The following NUP188 variants were observed in gnomAD, a reference collection of about 807,000 sequenced individuals.
NUP188 encodes the protein nucleoporin NUP188.
Under a neutral mutation model 223.0 loss-of-function variants are expected in NUP188, and 97 were observed. The observed-to-expected ratio is 0.43, with a 90% CI of 0.37 to 0.51. The LOEUF (loss-of-function observed/expected upper bound fraction) is 0.51. Among genes scored for constraint, NUP188 ranks in the 20% least tolerant of loss-of-function variants. NUP188 has a pLI of 0.00. For synonymous variants in NUP188, 869 were observed against 828.0 expected (o/e 1.05, Z -0.85); for missense variants, 1,947 against 2,175.6 (o/e 0.89, Z 2.09).
At chr9:128,976,832 T>C (rs1842182598) in intron 12 of NUP188, among the ~76,000 whole-genome samples, 1 of 152,028 alleles carries the variant, frequency 6.6e-6, no homozygotes, top group Non-Finnish European at 1.5e-5. Context: ...ATCCCAGCAC[T>C]TTCCGAGGCC....
rs746326804 is a variant in NUP188, at chr9:128,985,001, C to G, written c.2063C>G (p.Thr688Ser). The G allele has an allele frequency of 1.2e-6, 2 of 1,611,062 alleles. No homozygotes were observed. The highest frequency in any genetic ancestry group is 2.2e-5 in the South Asian group (2 of 90,878). The change falls in exon 20 of 44, where the codon ACC (threonine) becomes AGC (serine). Residue 688 changes from threonine (T) to serine (S), a missense_variant. Physicochemically the swap from Thr to Ser is moderately conservative, Grantham distance 58 (BLOSUM62 1). Coordinates refer to ENST00000372577, the MANE Select transcript of NUP188 (RefSeq NM_015354.3). Reference protein sequence around the residue: ...GVTIAFLRLITTLVKGQLGST... With the variant: ...GVTIAFLRLISTLVKGQLGST... ...ACTATTGCCTTTCTGCGCTTGATCACCACCCTTGTCAAGGTACAGTCTGAT... is the reference window on the plus strand; with the variant it reads ...ACTATTGCCTTTCTGCGCTTGATCAGCACCCTTGTCAAGGTACAGTCTGAT...
rs141842859 is a variant in NUP188, at chr9:128,983,523, C to T, written c.1934C>T (p.Pro645Leu). Residue 645 changes from proline to leucine, a missense_variant, in exon 19 of 44, where the codon CCT becomes CTT. Transcript: ENST00000372577. Reference protein sequence around the residue: ...HTGFLPFVAHPVSSLSQMISA... With the variant: ...HTGFLPFVAHLVSSLSQMISA... ...GGTTTTTTACCATTTGTGGCCCATCCTGTCTCCAGCCTGAGTCAGATGATT... is the reference window on the plus strand; with the variant it reads ...GGTTTTTTACCATTTGTGGCCCATCTTGTCTCCAGCCTGAGTCAGATGATT... The T allele has an allele frequency of 4.2e-5, 67 of 1,614,014 alleles. No individual in the cohort carries two copies. Among genetic ancestry groups the T allele is most frequent in the Non-Finnish European group, 4.7e-5 (56 of 1,180,004 alleles).
chr9:128,950,166 G>A (rs990413003), intron 2 of NUP188, among the ~76,000 whole-genome samples: 10 of 151,730 alleles, frequency 6.6e-5, no homozygotes, highest in Non-Finnish European at 1.2e-4. Context: ...CAGGTGATCT[G>A]CCTGCCTCAG....
rs1842504994 is a variant in NUP188, at chr9:128,995,382, C to G, written c.3219C>G (p.Ala1073=). The change falls in exon 30 of 44, where the codon GCC becomes GCG. Residue 1073 remains alanine (A), a synonymous_variant. Coordinates refer to ENST00000372577, the MANE Select transcript of NUP188 (RefSeq NM_015354.3). ...LKKFSIEKRF[A]YWSGYVKSLA... ...AATTTTCCATCGAGAAACGCTTTGC[C>G]TACTGGTCAGGGTATGTCAAGTCAT... is the stretch of plus-strand genomic sequence containing the variant. The G allele has an allele frequency of 6.2e-7, 1 of 1,614,094 alleles. No individual in the cohort carries two copies. Among genetic ancestry groups the G allele is most frequent in the Non-Finnish European group, 8.5e-7 (1 of 1,179,962 alleles).
intron 8 of NUP188, among the ~76,000 whole-genome samples, chr9:128,960,260 T>G (rs1415356019): frequency 7.1e-6 from 1 of 141,126 alleles, no homozygotes; most frequent in East Asian, 1.9e-4. Context: ...TTGTTTTTTG[T>G]TTTTTTTTAG....
chr9:128,983,988 T>C (rs1013417673), intron 19 of NUP188, among the ~76,000 whole-genome samples: 4 of 151,696 alleles, frequency 2.6e-5, no homozygotes, highest in Non-Finnish European at 5.9e-5. Context: ...GCCCGGCTAA[T>C]TTTTTGTATT....
Position 128,969,267 on chromosome 9 carries a change from A to G in NUP188, c.798-133A>G, listed in dbSNP as rs1842072629. 3.2e-5 allele frequency: 19 copies of G among 596,072 alleles called. No homozygotes were observed. In the South Asian group the frequency reaches 4.0e-4, roughly 12 times the overall value. 36.9% of individuals were successfully genotyped at this position (596,072 alleles called of 1,614,324 possible). ...TCCCACCTCTGCCTCTCAAAGTGTTAGGATTATAGGCGTTAGCCACTATGC... is the reference window on the plus strand; with the variant it reads ...TCCCACCTCTGCCTCTCAAAGTGTTGGGATTATAGGCGTTAGCCACTATGC... On this transcript the variant is annotated intron_variant, in intron 9 of 43. Transcript: ENST00000372577.
intron 25 of NUP188, among the ~76,000 whole-genome samples, chr9:128,991,326 T>A (rs985661322): frequency 1.3e-5 from 2 of 151,734 alleles, no homozygotes; most frequent in Non-Finnish European, 2.9e-5. Context: ...GATCATGAGG[T>A]CAGGGGTTCA....
rs1006697168 is a variant in NUP188 at position 128,998,343 on chromosome 9, C to T, written c.3429+115C>T. On this transcript the variant is annotated intron_variant, in intron 31 of 43. Transcript: ENST00000372577. ...ACAAATAGTCAGGTCACAGGGCTCA[C>T]GTTGGCCTGGGAGGCCTGAGACTGT... is the stretch of plus-strand genomic sequence containing the variant. The T allele has an allele frequency of 1.3e-4, 142 of 1,114,920 alleles. No homozygotes were observed. The African/African-American group carries it at 1.7e-3, about 13-fold the overall frequency. 69.1% of individuals were successfully genotyped at this position (1,114,920 alleles called of 1,614,324 possible). A position where few individuals can be genotyped will look rare whatever the true frequency, so the allele number is the denominator to read the frequency against.
intron 3 of NUP188, among the ~76,000 whole-genome samples, chr9:128,953,651 A>G (rs1466830122): frequency 6.6e-6 from 1 of 152,174 alleles, no homozygotes; most frequent in Non-Finnish European, 1.5e-5. Flanking sequence ...CTATGTATCT[A>G]AAATACATGG....
intron 38 of NUP188, chr9:129,003,978 GAA>G (rs1223358209): frequency 1.9e-3 from 216 of 114,544 alleles, no homozygotes; most frequent in Middle Eastern, 9.2e-3. Flanking sequence ...GTCCCAAAAA[GAA>G]AAAAAAAAAA....
At chr9:128,956,099 T>C (rs914668359) in intron 3 of NUP188, among the ~76,000 whole-genome samples, 2 of 152,132 alleles carry the variant, frequency 1.3e-5, no homozygotes, top group East Asian at 1.9e-4. Context: ...AACATTGTTA[T>C]AACTGTAATT....
chr9:128,963,698 G>T (rs890525392), intron 8 of NUP188, among the ~76,000 whole-genome samples: 1 of 151,158 alleles, frequency 6.6e-6, no homozygotes, highest in Admixed American at 6.6e-5. Flanking sequence ...TTGAGATAGG[G>T]TCTTGCTATT....
chr9:128,994,243 TG>T (rs1842479749), intron 27 of NUP188, 129 bp from the exon 28 acceptor site: 1 of 684,104 alleles, frequency 1.5e-6, no homozygotes, highest in Non-Finnish European at 2.6e-6. Flanking sequence ...CGGGAACAAC[TG>T]ACTTATCAGA....
Position 128,986,538 on chromosome 9 carries a change from C to A in NUP188, c.2077-20C>A. The A allele has an allele frequency of 6.2e-7, 1 of 1,608,220 alleles. No homozygotes were observed. Among genetic ancestry groups the A allele is most frequent in the East Asian group, 2.2e-5 (1 of 44,806 alleles). On this transcript the variant is annotated intron_variant, in intron 20 of 43. Coordinates refer to ENST00000372577, the MANE Select transcript of NUP188 (RefSeq NM_015354.3). ...TTTTCCTTAAATGTGCGGAAGTCCT[C>A]ACTGCATGGTTTCTTGTAGGGGCAA...
chr9:128,962,401 A>G (rs1335790956), intron 8 of NUP188, among the ~76,000 whole-genome samples: 1 of 151,350 alleles, frequency 6.6e-6, no homozygotes, highest in African/African-American at 2.4e-5. Flanking sequence ...GGCGCCCACC[A>G]CCACGCCCAA....
At position 129,001,019 on chromosome 9, in the gene NUP188, A is replaced by G. The variant is rs959553221; in HGVS notation, c.3844-510A>G. 2.6e-5 allele frequency among the ~76,000 whole-genome samples: 4 copies of G among 152,300 alleles called. 1 individual carries two copies. The South Asian group carries it at 8.3e-4, about 32-fold the overall frequency. ...GCCGCTGCACTCCAGCCTGGGGGAC[A>G]GAGCGAGGCTCCATCTCAAAAAAAA... is the stretch of plus-strand genomic sequence containing the variant. On this transcript the variant is annotated intron_variant, in intron 34 of 43. Coordinates refer to ENST00000372577, the MANE Select transcript of NUP188 (RefSeq NM_015354.3).
At chr9:129,003,978 G>GAAA in intron 38 of NUP188, 5 of 114,148 alleles carry the variant, frequency 4.4e-5, no homozygotes, top group Non-Finnish European at 8.6e-5. Context: ...GTCCCAAAAA[G>GAAA]AAAAAAAAAA....
intron 9 of NUP188, 85 bp from the exon 10 acceptor site, chr9:128,969,315 T>C (rs1438398041): frequency 2.5e-5 from 20 of 798,608 alleles, no homozygotes; most frequent in Non-Finnish European, 4.2e-5. Flanking sequence ...GTTTTTTTGA[T>C]ATCGCAGTGT....
Sources: allele counts gnomAD v4.1 joint callset (sites outside exome capture counted in the v4.1 genomes callset), GRCh38; gene constraint gnomAD v4.1.1; transcripts MANE v1.5; gene names NCBI Gene and HGNC (gene_info 2026-07-23, HGNC 2026-07-21).